KANK3: variants seen among roughly 807,000 people sequenced by gnomAD.
KANK3 encodes KN motif and ankyrin repeat domain-containing protein 3.
A neutral mutation model predicts 65.4 loss-of-function variants in KANK3; 61 were observed. The ratio of observed to expected loss-of-function variants is 0.93; its 90% confidence interval spans 0.76 to 1.15. The LOEUF (loss-of-function observed/expected upper bound fraction) is 1.15, where lower values mean the gene tolerates loss of function less well. Ranked by LOEUF, KANK3 falls within the 50% of genes most tolerant of loss-of-function variation. The probability of loss-of-function intolerance (pLI) is 0.00; values close to 1 mark genes in which losing one functional copy is unlikely to be tolerated. For missense variants in KANK3, 1,187 were observed against 1,178.8 expected (o/e 1.01, Z -0.10); for synonymous variants, 586 against 543.3 (o/e 1.08, Z -1.09).
At chr19:8,339,847 C>G (rs999589714) in intron 1 of KANK3, among the ~76,000 whole-genome samples, 3 of 151,770 alleles carry the variant, frequency 2.0e-5, no homozygotes, top group Admixed American at 1.3e-4. Flanking sequence ...ACCTGTAGTC[C>G]CAGCTACTCA....
Position 8,334,830 on chromosome 19 carries a change from TCTCGG to T in KANK3, c.992_996del (p.Pro331HisfsTer38). 1.4e-6 allele frequency: 2 copies of T among 1,479,520 alleles called. No individual in the cohort carries two copies. The allele number at this position is 1,479,520 out of a possible 1,614,324, so 91.6% of individuals were successfully genotyped here. Reference sequence around the variant, plus strand: ...GTCACCCACGCGTCCGCCTCCACGGTCTCGGGGGCAGCCTCCACGCCGGCCTCCCG... The same window carrying T: ...GTCACCCACGCGTCCGCCTCCACGGTGGGCAGCCTCCACGCCGGCCTCCCG... On this transcript the variant is annotated frameshift_variant, in exon 3 of 11. Coordinates refer to ENST00000330915, the MANE Select transcript of KANK3 (RefSeq NM_198471.3). LOFTEE classifies it high-confidence loss of function.
At chr19:8,325,714 T>C (rs1451683314) in intron 7 of KANK3, among the ~76,000 whole-genome samples, 3 of 152,174 alleles carry the variant, frequency 2.0e-5, no homozygotes, top group Non-Finnish European at 2.9e-5. Flanking sequence ...AAAGGATATG[T>C]TTATTTTCAT....
At chr19:8,332,444 C>T (rs1011175208) in intron 7 of KANK3, among the ~76,000 whole-genome samples, 11 of 151,562 alleles carry the variant, frequency 7.3e-5, no homozygotes, top group Non-Finnish European at 1.6e-4. Context: ...TCCCAAAGTG[C>T]TGGGGTTAAA....
chr19:8,324,994 T>C lies in KANK3; in HGVS notation c.2039A>G (p.Gln680Arg), dbSNP rs1161564725. The change falls in exon 8 of 11, where the codon CAG (glutamine) becomes CGG (arginine). Residue 680 changes from glutamine to arginine, a missense_variant. Around this residue, in one of 3 missense-constraint regions of KANK3, gnomAD observed 1,078 missense variants for 1,038.2 expected, o/e 1.04. Coordinates refer to ENST00000330915, the MANE Select transcript of KANK3 (RefSeq NM_198471.3). The stretch of plus-strand genomic sequence containing the variant: ...GACATCACCCATGCAGAAGAGTCTC[T>C]GGACCACAGCCATGTCCTCCTCTTC... Reference protein sequence around the residue: ...RQEEEDMAVVQRLFCMGDVNA... With the variant: ...RQEEEDMAVVRRLFCMGDVNA... The C allele has an allele frequency of 1.2e-6, 2 of 1,611,528 alleles. No individual in the cohort carries two copies. Among genetic ancestry groups the C allele is most frequent in the Admixed American group, 1.7e-5 (1 of 59,840 alleles).
intron 7 of KANK3, among the ~76,000 whole-genome samples, chr19:8,326,398 G>C (rs1329701052): frequency 6.6e-6 from 1 of 150,748 alleles, no homozygotes; most frequent in Non-Finnish European, 1.5e-5. Flanking sequence ...CTCCAGCCTG[G>C]GTAACACAGT....
rs1451834979 is a variant in KANK3 at position 8,333,162 on chromosome 19, G to C, written c.1788C>G (p.Pro596=). ...TCACCCCTTCCAGCATCCTGGCCAC[G>C]GGCTCCGCCTGAGAGCGCCGCTGGC... ...VSSQRRSQAE[P]VARMLEGVRR... The change falls in exon 7 of 11, where the codon CCC becomes CCG. Residue 596 remains proline, a synonymous_variant. Coordinates refer to ENST00000330915, the MANE Select transcript of KANK3 (RefSeq NM_198471.3). This position sits in a 1 kb window ranked among gnomAD's most constrained non-coding sequence, Gnocchi z 5.0. 6 of 1,613,018 alleles carry C rather than the reference G, an allele frequency of 3.7e-6. No homozygotes were observed. In the Admixed American group the frequency reaches 5.0e-5, roughly 13 times the overall value.
chr19:8,332,810 C>T (rs1970549782), intron 7 of KANK3: 2 of 243,194 alleles, frequency 8.2e-6, no homozygotes, highest in Non-Finnish European at 1.5e-5. Context: ...TGTGAAACTC[C>T]GTCTCAAAAA....
At chr19:8,329,032 G>A (rs564478303) in intron 7 of KANK3, among the ~76,000 whole-genome samples, 9 of 151,128 alleles carry the variant, frequency 6.0e-5, no homozygotes, top group South Asian at 2.1e-4. Context: ...TTAGCCGGGC[G>A]TGGTGGCGGA....
rs758402477 is a variant in KANK3 at position 8,325,019 on chromosome 19, C to G, written c.2014G>C (p.Glu672Gln). 9 of 1,613,732 alleles carry G rather than the reference C, an allele frequency of 5.6e-6. No homozygotes were observed. In the African/African-American group the frequency reaches 1.1e-4, roughly 19 times the overall value. ...TGGACCACAGCCATGTCCTCCTCTT[C>G]CTGCCTCACAGAGGTGAGTGCAGCC... Reference protein sequence around the residue: ...MLAALTSVRQEEEDMAVVQRL... With the variant: ...MLAALTSVRQQEEDMAVVQRL... Residue 672 changes from glutamate to glutamine, a missense_variant, in exon 8 of 11, where the codon GAA (glutamate) becomes CAA (glutamine). By Grantham distance (29) the Glu-to-Gln change is conservative. Coordinates refer to ENST00000330915, the MANE Select transcript of KANK3 (RefSeq NM_198471.3).
Position 8,333,253 on chromosome 19 carries a change from T to A in KANK3, c.1720-23A>T. 6.3e-7 allele frequency: 1 copy of A among 1,585,366 alleles called. No individual in the cohort carries two copies. The highest frequency in any genetic ancestry group is 8.6e-7 in the Non-Finnish European group (1 of 1,163,392). On this transcript the variant is annotated intron_variant, in intron 6 of 10. Transcript: ENST00000330915. This position sits in a 1 kb window ranked among gnomAD's most constrained non-coding sequence, Gnocchi z 5.0. ...GCCCTGCAAGGGACAGGGGCCAAGATAACATCGGCGATGGTCCACGGCGGC... is the reference window on the plus strand; with the variant it reads ...GCCCTGCAAGGGACAGGGGCCAAGAAAACATCGGCGATGGTCCACGGCGGC...
Position 8,333,300 on chromosome 19 carries a change from A to T in KANK3, c.1720-70T>A. The T allele has an allele frequency of 2.9e-5, 36 of 1,224,694 alleles. No individual in the cohort carries two copies. Among genetic ancestry groups the T allele is most frequent in the Non-Finnish European group, 4.2e-5 (36 of 866,132 alleles). 75.9% of individuals were successfully genotyped at this position (1,224,694 alleles called of 1,614,324 possible). A position where few individuals can be genotyped will look rare whatever the true frequency, so the allele number is the denominator to read the frequency against. On this transcript the variant is annotated intron_variant, in intron 6 of 10. Coordinates refer to ENST00000330915, the MANE Select transcript of KANK3 (RefSeq NM_198471.3). This position sits in a 1 kb window ranked among gnomAD's most constrained non-coding sequence, Gnocchi z 5.0. ...CGGCGCCGTGGTGGGGGAGCTGGGG[A>T]GGGGCGGGACTGGGAAGAGACCCAT...
At chr19:8,326,731 A>G (rs1970435995) in intron 7 of KANK3, among the ~76,000 whole-genome samples, 1 of 146,610 alleles carries the variant, frequency 6.8e-6, no homozygotes, top group African/African-American at 2.5e-5. Flanking sequence ...CGGGGGACGG[A>G]GCTTGCAGTG....
rs772939814 is a variant in KANK3, at chr19:8,334,097, C to G, written c.1447G>C (p.Glu483Gln). 53 of 1,522,002 alleles carry G rather than the reference C, an allele frequency of 3.5e-5. No homozygotes were observed. The highest frequency in any genetic ancestry group is 4.4e-5 in the Non-Finnish European group (50 of 1,135,796). The allele number at this position is 1,522,002 out of a possible 1,614,324, so 94.3% of individuals were successfully genotyped here. Reference protein sequence around the residue: ...LNGEYESSSSEDASDSDGDSE... With the variant: ...LNGEYESSSSQDASDSDGDSE... ...TCGCCATCGCTGTCGCTGGCGTCCT[C>G]GCTGGAGGAGCTCTCGTACCTGGGG... The change falls in exon 5 of 11, where the codon GAG (glutamate) becomes CAG (glutamine). Residue 483 changes from glutamate (E) to glutamine (Q), a missense_variant. By Grantham distance (29) the Glu-to-Gln change is conservative. This residue lies in a region of KANK3 where 1,078 missense variants were observed against 1,038.2 expected (regional missense o/e 1.04). Transcript: ENST00000330915.
intron 10 of KANK3, among the ~76,000 whole-genome samples, chr19:8,324,148 C>T (rs895718366): frequency 1.3e-5 from 2 of 152,142 alleles, no homozygotes; most frequent in African/African-American, 4.8e-5. Context: ...CCCTGCCAGG[C>T]GCTCTGGTTT....
rs376448782 is a variant in KANK3, at chr19:8,325,072, T to C, written c.1961A>G (p.Asn654Ser). The part of the protein sequence containing the change: ...DTGACEVNRQ[N>S]RAGYSALMLA... Reference sequence around the variant, plus strand: ...CATGAGGGCCGAGTAGCCGGCTCGGTTCTGGCGGTTGACCTCGCAGGCCCC... The same window carrying C: ...CATGAGGGCCGAGTAGCCGGCTCGGCTCTGGCGGTTGACCTCGCAGGCCCC... The change falls in exon 8 of 11, where the codon AAC becomes AGC. Residue 654 changes from asparagine (N) to serine (S), a missense_variant. Transcript: ENST00000330915. 5 of 1,613,232 alleles carry C rather than the reference T, an allele frequency of 3.1e-6. No homozygotes were observed. Among genetic ancestry groups the C allele is most frequent in the African/African-American group, 1.3e-5 (1 of 74,894 alleles).
chr19:8,326,559 G>C (rs1307696828), intron 7 of KANK3, among the ~76,000 whole-genome samples: 1 of 149,474 alleles, frequency 6.7e-6, no homozygotes, highest in Non-Finnish European at 1.5e-5. Flanking sequence ...AGGCTGAGGC[G>C]GGCGGATCAT....
Position 8,334,661 on chromosome 19 carries a change from G to C in KANK3, c.1166C>G (p.Ala389Gly). 6.5e-7 allele frequency: 1 copy of C among 1,539,952 alleles called. No homozygotes were observed. Among genetic ancestry groups the C allele is most frequent in the Non-Finnish European group, 8.7e-7 (1 of 1,149,912 alleles). The change falls in exon 3 of 11, where the codon GCA (alanine) becomes GGA (glycine). Residue 389 changes from alanine to glycine, a missense_variant. Transcript: ENST00000330915. ...TAGCTGGGCCCGGGCCCCCGCCGCT[G>C]CCTCCTCCGCAGCCTCGCGGGCTTC... ...LEEAREAAEEAAAGARAQLRE... is the reference protein window; with the variant it reads ...LEEAREAAEEGAAGARAQLRE...
In KANK3 at chr19:8,333,038, T is replaced by C. The variant is rs1238197923; in HGVS notation, c.1912A>G (p.Ile638Val). The C allele has an allele frequency of 4.5e-6, 6 of 1,337,886 alleles. No individual in the cohort carries two copies. Among genetic ancestry groups the C allele is most frequent in the Non-Finnish European group, 5.9e-6 (6 of 1,009,678 alleles). The allele number at this position is 1,337,886 out of a possible 1,614,324, so 82.9% of individuals were successfully genotyped here. Residue 638 changes from isoleucine to valine, a missense_variant, in exon 7 of 11, where the codon ATC becomes GTC. This residue lies in a region of KANK3 where 1,078 missense variants were observed against 1,038.2 expected (regional missense o/e 1.04). Coordinates refer to ENST00000330915, the MANE Select transcript of KANK3 (RefSeq NM_198471.3). This position sits in a 1 kb window ranked among gnomAD's most constrained non-coding sequence, Gnocchi z 5.0. ...CCCGTATCCAGGAGCAGGCTTGCGA[T>C]GGCCAGGTTCCCGTGGGACACACTG... ...HYSVSHGNLA[I>V]ASLLLDTGAC... is the part of the protein sequence containing the mutation.
rs751046190 is a variant in KANK3, at chr19:8,334,998, C to A, written c.829G>T (p.Ala277Ser). 7 of 1,483,476 alleles carry A rather than the reference C, an allele frequency of 4.7e-6. No individual in the cohort carries two copies. Among genetic ancestry groups the A allele is most frequent in the Non-Finnish European group, 6.2e-6 (7 of 1,126,670 alleles). The allele number at this position is 1,483,476 out of a possible 1,614,324, so 91.9% of individuals were successfully genotyped here. Reference protein sequence around the residue: ...PRADSPDGLAAGRSEGALQVL... With the variant: ...PRADSPDGLASGRSEGALQVL... Reference sequence around the variant, plus strand: ...TGGAGCGCGCCCTCGCTGCGCCCTGCAGCCAGGCCGTCTGGGCTGTCAGCC... The same window carrying A: ...TGGAGCGCGCCCTCGCTGCGCCCTGAAGCCAGGCCGTCTGGGCTGTCAGCC... Residue 277 changes from alanine (A) to serine (S), a missense_variant, in exon 3 of 11, where the codon GCA (alanine) becomes TCA (serine). By Grantham distance (99) the Ala-to-Ser change is moderately conservative. Around this residue, in one of 3 missense-constraint regions of KANK3, gnomAD observed 1,078 missense variants for 1,038.2 expected, o/e 1.04. Coordinates refer to ENST00000330915, the MANE Select transcript of KANK3 (RefSeq NM_198471.3).
Sources: allele counts gnomAD v4.1 joint callset (sites outside exome capture counted in the v4.1 genomes callset), GRCh38; gene constraint gnomAD v4.1.1; regional missense constraint gnomAD v4.1.1; non-coding constraint Gnocchi (gnomAD v3.1); transcripts MANE v1.5; gene names NCBI Gene and HGNC (gene_info 2026-07-23, HGNC 2026-07-21).